The following HES4 variants were observed in gnomAD, a reference collection of about 807,000 sequenced individuals.
HES4 encodes hes family bHLH transcription factor 4, also known as transcription factor HES-4.
HES4 carries 17 observed loss-of-function variants against 10.7 expected under a neutral mutation model. The observed-to-expected ratio is 1.59, with a 90% CI of 1.09 to 2.38. HES4 has a LOEUF of 2.38. HES4 is among the 30% of genes most tolerant of loss of function. The pLI, the probability that HES4 is intolerant of heterozygous loss-of-function variation, is 0.00. For missense variants in HES4, 389 were observed against 332.1 expected (o/e 1.17, Z -1.33); for synonymous variants, 189 against 159.7 (o/e 1.18, Z -1.38).
chr1:999,531 A>G lies in HES4; in HGVS notation c.287T>C (p.Val96Ala), dbSNP rs753129274. 1 of 1,598,068 alleles carries G rather than the reference A, an allele frequency of 6.3e-7. No individual in the cohort carries two copies. The highest frequency in any genetic ancestry group is 1.1e-5 in the South Asian group (1 of 89,376). Residue 96 changes from valine to alanine, a missense_variant, in exon 3 of 4, where the codon GTG becomes GCG. Val to Ala is a moderately conservative substitution (Grantham distance 64). Transcript: ENST00000304952. ...RHLRSLRRVQ[V>A]TAALSADPAV... Reference sequence around the variant, plus strand: ...CGCCGCCGCCCGCGCCTCACCCGTCACCTGCACGCGACGCAGGCTCCGCAG... The same window carrying G: ...CGCCGCCGCCCGCGCCTCACCCGTCGCCTGCACGCGACGCAGGCTCCGCAG...
In HES4 at chr1:999,878, G is replaced by A; in HGVS notation, c.96C>T (p.Ala32=). Residue 32 remains alanine, a synonymous_variant, in exon 1 of 4, where the codon GCC becomes GCT. Transcript: ENST00000304952. Reference sequence around the variant, plus strand: ...GCCGGGACCCCACCTTGCGGTGCTCGGCCGCGCTCCGGGGCTTGTCTGGGG... The same window carrying A: ...GCCGGGACCCCACCTTGCGGTGCTCAGCCGCGCTCCGGGGCTTGTCTGGGG... ...SRTPDKPRSA[A]EHRKSSKPVM... is the part of the protein sequence containing the mutation. 6.5e-7 allele frequency: 1 copy of A among 1,535,580 alleles called. No homozygotes were observed. Among genetic ancestry groups the A allele is most frequent in the Non-Finnish European group, 8.7e-7 (1 of 1,145,864 alleles).
At position 999,451 on chromosome 1, in the gene HES4, A is replaced by T. The variant is rs1458862591; in HGVS notation, c.293-19T>A. ...AGCGCGGCTGCGGGAGCGACACAGG[A>T]GGAGAGGTCGGTGCCGGGTCCCGGG... is the stretch of plus-strand genomic sequence containing the variant. On this transcript the variant is annotated intron_variant, in intron 3 of 3. Coordinates refer to ENST00000304952, the MANE Select transcript of HES4 (RefSeq NM_021170.4). The T allele has an allele frequency of 6.5e-7, 1 of 1,549,944 alleles. No homozygotes were observed. Among genetic ancestry groups the T allele is most frequent in the Non-Finnish European group, 8.6e-7 (1 of 1,159,916 alleles).
chr1:999,476 G>C, intron 3 of HES4, 44 bp from the exon 4 acceptor site: 1 of 1,559,442 alleles, frequency 6.4e-7, no homozygotes. Context: ...CGGGTCCCGG[G>C]GGTCCCGCGC....
rs1320499259 is a variant in HES4, at chr1:1,000,033, T to G, written c.-60A>C. On this transcript the variant is annotated 5_prime_UTR_variant, in exon 1 of 4. Transcript: ENST00000304952. Reference sequence around the variant, plus strand: ...GCGCCGCCACGGACCACGGGCGGGCTGGCGGGCGAGCGGCGAGCGCGCGGC... The same window carrying G: ...GCGCCGCCACGGACCACGGGCGGGCGGGCGGGCGAGCGGCGAGCGCGCGGC... 8.2e-7 allele frequency: 1 copy of G among 1,212,144 alleles called. No homozygotes were observed. Among genetic ancestry groups the G allele is most frequent in the Non-Finnish European group, 1.0e-6 (1 of 976,842 alleles). 75.1% of individuals were successfully genotyped at this position (1,212,144 alleles called of 1,614,324 possible).
chr1:999,793 G>A lies in HES4; in HGVS notation c.109-6C>T, dbSNP rs781050178. The A allele has an allele frequency of 1.2e-6, 2 of 1,610,636 alleles. No individual in the cohort carries two copies. Among genetic ancestry groups the A allele is most frequent in the Non-Finnish European group, 1.7e-6 (2 of 1,179,184 alleles). The stretch of plus-strand genomic sequence containing the variant: ...TCCATGACCGGCTTGGAGGACTGCG[G>A]GTCGGGCACCGGCTGAGTCCCGCGT... On this transcript the variant is annotated splice_polypyrimidine_tract_variant and splice_region_variant and intron_variant, in intron 1 of 3. Coordinates refer to ENST00000304952, the MANE Select transcript of HES4 (RefSeq NM_021170.4).
chr1:999,825 C>T (rs776713819), intron 1 of HES4, 38 bp from the exon 2 acceptor site: 2 of 1,603,256 alleles, frequency 1.2e-6, no homozygotes, highest in African/African-American at 2.7e-5. Flanking sequence ...GCGTCCCTCC[C>T]GCCCCCCGGT....
At position 999,791 on chromosome 1, in the gene HES4, C is replaced by T. The variant is rs1367385881; in HGVS notation, c.109-4G>A. ...TCTCCATGACCGGCTTGGAGGACTG[C>T]GGGTCGGGCACCGGCTGAGTCCCGC... is the stretch of plus-strand genomic sequence containing the variant. On this transcript the variant is annotated splice_polypyrimidine_tract_variant and splice_region_variant and intron_variant, in intron 1 of 3. Transcript: ENST00000304952. The T allele has an allele frequency of 1.9e-6, 3 of 1,610,158 alleles. No individual in the cohort carries two copies. The highest frequency in any genetic ancestry group is 2.5e-6 in the Non-Finnish European group (3 of 1,179,016).
At position 999,586 on chromosome 1, in the gene HES4, C is replaced by T; in HGVS notation, c.232G>A (p.Ala78Thr). The T allele has an allele frequency of 6.2e-7, 1 of 1,610,120 alleles. No homozygotes were observed. Residue 78 changes from alanine (A) to threonine (T), a missense_variant, in exon 3 of 4, where the codon GCG becomes ACG. Transcript: ENST00000304952. ...ESSRHSKLEK[A>T]DILEMTVRHL... ...CTCACGGTCATCTCCAGGATGTCCG[C>T]CTTCTCCAGCTTCGAGTGGCGGGAG... is the stretch of plus-strand genomic sequence containing the variant.
chr1:999,600 G>C lies in HES4; in HGVS notation c.218C>G (p.Ser73Trp), dbSNP rs1276570416. The part of the protein sequence containing the change: ...DALRKESSRH[S>W]KLEKADILEM... ...CAGGATGTCCGCCTTCTCCAGCTTC[G>C]AGTGGCGGGAGCTCTGGGGGCGGGG... Residue 73 changes from serine to tryptophan, a missense_variant, in exon 3 of 4, where the codon TCG becomes TGG. By Grantham distance (177) the Ser-to-Trp change is radical. Coordinates refer to ENST00000304952, the MANE Select transcript of HES4 (RefSeq NM_021170.4). 6.2e-7 allele frequency: 1 copy of C among 1,607,840 alleles called. No homozygotes were observed.
chr1:999,694 C>G lies in HES4; in HGVS notation c.202G>C (p.Glu68Gln). The G allele has an allele frequency of 6.2e-7, 1 of 1,611,742 alleles. No homozygotes were observed. The highest frequency in any genetic ancestry group is 8.5e-7 in the Non-Finnish European group (1 of 1,179,450). The change falls in exon 2 of 4, where the codon GAG (glutamate) becomes CAG (glutamine). Residue 68 changes from glutamate (E) to glutamine (Q), a missense_variant and splice_region_variant. Physicochemically the swap from Glu to Gln is conservative, Grantham distance 29. Coordinates refer to ENST00000304952, the MANE Select transcript of HES4 (RefSeq NM_021170.4). ...KTLILDALRK[E>Q]SSRHSKLEKA... ...TCGGGCCTTCGCCCCCGACTTACCT[C>G]TTTTCTGAGGGCGTCCAGGATGAGG...
Position 999,257 on chromosome 1 carries a change from C to T in HES4, c.468G>A (p.Pro156=), listed in dbSNP as rs1354397626. 2.1e-6 allele frequency: 3 copies of T among 1,401,606 alleles called. No homozygotes were observed. The highest frequency in any genetic ancestry group is 2.8e-6 in the Non-Finnish European group (3 of 1,082,212). 86.8% of individuals were successfully genotyped at this position (1,401,606 alleles called of 1,614,324 possible). A position where few individuals can be genotyped will look rare whatever the true frequency, so the allele number is the denominator to read the frequency against. Residue 156 remains proline (P), a synonymous_variant, in exon 4 of 4, where the codon CCG becomes CCA. Coordinates refer to ENST00000304952, the MANE Select transcript of HES4 (RefSeq NM_021170.4). ...CLRQLGPSRR[P]ASLSPAAPAE... is the part of the protein sequence containing the mutation. The stretch of plus-strand genomic sequence containing the variant: ...CGGGGGCAGCCGGGGACAGCGAGGC[C>T]GGGCGGCGGGAGGGTCCCAGCTGGC...
At position 999,165 on chromosome 1, in the gene HES4, G is replaced by A. The variant is rs2100526102; in HGVS notation, c.560C>T (p.Pro187Leu). 1.6e-6 allele frequency: 2 copies of A among 1,250,814 alleles called. No homozygotes were observed. The highest frequency in any genetic ancestry group is 2.0e-6 in the Non-Finnish European group (2 of 1,001,232). 77.5% of individuals were successfully genotyped at this position (1,250,814 alleles called of 1,614,324 possible). Residue 187 changes from proline (P) to leucine (L), a missense_variant, in exon 4 of 4, where the codon CCT becomes CTT. Transcript: ENST00000304952. ...PLLPSLGGPF[P>L]LLAPPLLPGL... ...CGGCAGCAGCGGCGGCGCGAGCAGAGGGAAGGGGCCGCCGAGCGATGGCAG... is the reference window on the plus strand; with the variant it reads ...CGGCAGCAGCGGCGGCGCGAGCAGAAGGAAGGGGCCGCCGAGCGATGGCAG...
Position 999,726 on chromosome 1 carries a change from A to G in HES4, c.170T>C (p.Leu57Pro), listed in dbSNP as rs777546047. The change falls in exon 2 of 4, where the codon CTC (leucine) becomes CCC (proline). Residue 57 changes from leucine to proline, a missense_variant. Leu to Pro is a moderately conservative substitution (Grantham distance 98). Coordinates refer to ENST00000304952, the MANE Select transcript of HES4 (RefSeq NM_021170.4). ...RARINESLAQ[L>P]KTLILDALRK... ...GAGGGCGTCCAGGATGAGGGTTTTG[A>G]GCTGAGCGAGGCTCTCGTTAATACG... The G allele has an allele frequency of 6.8e-6, 11 of 1,611,366 alleles. No individual in the cohort carries two copies. The South Asian group carries it at 7.7e-5, about 11-fold the overall frequency.
In HES4 at chr1:999,026, C is replaced by A. The variant is rs771319525; in HGVS notation, c.*33G>T. ...CAAAGGCCACGGCCCTAGAACGGGG[C>A]GCCGCCTCCGATGCAGTCTCAGGGC... is the stretch of plus-strand genomic sequence containing the variant. On this transcript the variant is annotated 3_prime_UTR_variant, in exon 4 of 4. Coordinates refer to ENST00000304952, the MANE Select transcript of HES4 (RefSeq NM_021170.4). 7.1e-6 allele frequency: 9 copies of A among 1,262,030 alleles called. No homozygotes were observed. Among genetic ancestry groups the A allele is most frequent in the Non-Finnish European group, 9.0e-6 (9 of 999,786 alleles). 78.2% of individuals were successfully genotyped at this position (1,262,030 alleles called of 1,614,324 possible).
rs1156232559 is a variant in HES4 at position 999,790 on chromosome 1, G to A, written c.109-3C>T. On this transcript the variant is annotated splice_polypyrimidine_tract_variant and splice_region_variant and intron_variant, in intron 1 of 3. Transcript: ENST00000304952. ...TTCTCCATGACCGGCTTGGAGGACT[G>A]CGGGTCGGGCACCGGCTGAGTCCCG... 18 of 1,610,730 alleles carry A rather than the reference G, an allele frequency of 1.1e-5. No individual in the cohort carries two copies. The highest frequency in any genetic ancestry group is 1.5e-5 in the Non-Finnish European group (18 of 1,179,256).
chr1:999,699 C>T lies in HES4; in HGVS notation c.197G>A (p.Arg66Lys). The change falls in exon 2 of 4, where the codon AGA becomes AAA. Residue 66 changes from arginine to lysine, a missense_variant. Physicochemically the swap from Arg to Lys is conservative, Grantham distance 26. Coordinates refer to ENST00000304952, the MANE Select transcript of HES4 (RefSeq NM_021170.4). The stretch of plus-strand genomic sequence containing the variant: ...CCTTCGCCCCCGACTTACCTCTTTT[C>T]TGAGGGCGTCCAGGATGAGGGTTTT... ...QLKTLILDAL[R>K]KESSRHSKLE... The T allele has an allele frequency of 6.2e-7, 1 of 1,611,698 alleles. No homozygotes were observed. The highest frequency in any genetic ancestry group is 8.5e-7 in the Non-Finnish European group (1 of 1,179,424).
chr1:999,441 G>A lies in HES4; in HGVS notation c.293-9C>T. 2 of 1,519,264 alleles carry A rather than the reference G, an allele frequency of 1.3e-6. No homozygotes were observed. Among genetic ancestry groups the A allele is most frequent in the Middle Eastern group, 2.0e-4 (1 of 5,114 alleles). 94.1% of individuals were successfully genotyped at this position (1,519,264 alleles called of 1,614,324 possible). ...GTCGGCGCTGAGCGCGGCTGCGGGA[G>A]CGACACAGGAGGAGAGGTCGGTGCC... On this transcript the variant is annotated splice_polypyrimidine_tract_variant and intron_variant, in intron 3 of 3. Transcript: ENST00000304952.
In HES4 at chr1:999,628, A is replaced by G. The variant is rs1385637447; in HGVS notation, c.205-15T>C. 1 of 1,607,370 alleles carries G rather than the reference A, an allele frequency of 6.2e-7. No homozygotes were observed. The highest frequency in any genetic ancestry group is 1.1e-5 in the South Asian group (1 of 90,318). ...TGGCGGGAGCTCTGGGGGCGGGGAT[A>G]GGCGGGAGGTCCAGGTCAGCTGCGA... is the stretch of plus-strand genomic sequence containing the variant. On this transcript the variant is annotated splice_polypyrimidine_tract_variant and intron_variant, in intron 2 of 3. Coordinates refer to ENST00000304952, the MANE Select transcript of HES4 (RefSeq NM_021170.4).
chr1:999,056 G>A lies in HES4; in HGVS notation c.*3C>T, dbSNP rs1643979007. 4 of 1,264,994 alleles carry A rather than the reference G, an allele frequency of 3.2e-6. No homozygotes were observed. Among genetic ancestry groups the A allele is most frequent in the Admixed American group, 3.2e-5 (1 of 30,774 alleles). 78.4% of individuals were successfully genotyped at this position (1,264,994 alleles called of 1,614,324 possible). ...CCTCCGATGCAGTCTCAGGGCCACA[G>A]CCTCAGCGCAGCCACGGCCTCCAGG... is the stretch of plus-strand genomic sequence containing the variant. On this transcript the variant is annotated 3_prime_UTR_variant, in exon 4 of 4. Coordinates refer to ENST00000304952, the MANE Select transcript of HES4 (RefSeq NM_021170.4).
Sources: allele counts gnomAD v4.1 joint callset, GRCh38; gene constraint gnomAD v4.1.1; transcripts MANE v1.5; gene names NCBI Gene and HGNC (gene_info 2026-07-23, HGNC 2026-07-21).